SLC14A2: variants seen among roughly 807,000 people sequenced by gnomAD.
SLC14A2 encodes the protein urea transporter 2.
A neutral mutation model predicts 104.6 loss-of-function variants in SLC14A2; 91 were observed. The ratio of observed to expected loss-of-function variants is 0.87; its 90% CI spans 0.73 to 1.04. The LOEUF is 1.04. Ranked by LOEUF, SLC14A2 falls within the 50% of genes least tolerant of loss-of-function variation. The pLI, the probability that SLC14A2 is intolerant of heterozygous loss-of-function variation, is 0.00. For missense variants in SLC14A2, 1,189 were observed against 1,156.0 expected (o/e 1.03, Z -0.41); for synonymous variants, 476 against 466.4 (o/e 1.02, Z -0.27).
At chr18:45,206,003 T>C in the SLC14A2 span, among the ~76,000 whole-genome samples, 2 of 152,202 alleles carry the variant, frequency 1.3e-5, no homozygotes, top group African/African-American at 4.8e-5. Context: ...CTCAATGTAC[T>C]GTGAATCCAA....
Position 45,263,765 on chromosome 18 carries a change from T to C in SLC14A2, c.-125+50574T>C, listed in dbSNP as rs571251487. On this transcript the variant is annotated intron_variant, in intron 1 of 20. Transcript: ENST00000586448. ...CTCCTTCAGGTTGGTTTTTCTGCCC[T>C]TTTGATCTGCCCACATTCCGTTTAA... Among the ~76,000 whole-genome samples, 212 of 152,330 alleles carry C rather than the reference T, an allele frequency of 1.4e-3. 2 individuals are homozygous for C. Among genetic ancestry groups the C allele is most frequent in the African/African-American group, 4.9e-3 (202 of 41,580 alleles).
chr18:45,168,957 G>A, the SLC14A2 span: 1 of 152,182 alleles, frequency 6.6e-6, no homozygotes, highest in South Asian at 2.1e-4. Flanking sequence ...CAAATTCAAT[G>A]ATGACAGGGG....
intron 1 of SLC14A2, among the ~76,000 whole-genome samples, chr18:45,270,994 T>C (rs1211846751): frequency 6.6e-6 from 1 of 152,194 alleles, no homozygotes; most frequent in Non-Finnish European, 1.5e-5. Flanking sequence ...TCAGTAAATA[T>C]AGCAGGAAAA....
At chr18:45,254,942 A>G (rs895046812) in intron 1 of SLC14A2, among the ~76,000 whole-genome samples, 2 of 152,126 alleles carry the variant, frequency 1.3e-5, no homozygotes, top group African/African-American at 2.4e-5. Flanking sequence ...ACTCCGATTG[A>G]TTCCAGCTGC....
At chr18:45,435,697 A>T (rs1051531252) in intron 1 of SLC14A2, among the ~76,000 whole-genome samples, 1 of 152,210 alleles carries the variant, frequency 6.6e-6, no homozygotes, top group Non-Finnish European at 1.5e-5. Context: ...AATCCACTGG[A>T]TAGTGCCTAG....
chr18:45,472,770 A>G, intron 1 of SLC14A2, among the ~76,000 whole-genome samples: 1 of 151,862 alleles, frequency 6.6e-6, no homozygotes, highest in Non-Finnish European at 1.5e-5. Context: ...TAGATTCTGG[A>G]TATTAGCCCT....
chr18:45,472,260 T>C (rs2087264804), intron 1 of SLC14A2, among the ~76,000 whole-genome samples: 1 of 152,260 alleles, frequency 6.6e-6, no homozygotes, highest in Non-Finnish European at 1.5e-5. Flanking sequence ...CCACATTTTC[T>C]TTATCCAGTC....
upstream of SLC14A2, chr18:45,615,368 C>T (rs1174001924): frequency 2.6e-5 from 4 of 152,174 alleles, no homozygotes; most frequent in Non-Finnish European, 5.9e-5. Context: ...GGACCCAGGG[C>T]AAGGTGACTG....
At chr18:45,647,795 C>T (rs1010732114) in intron 10 of SLC14A2, 8 of 151,586 alleles carry the variant, frequency 5.3e-5, no homozygotes, top group Non-Finnish European at 1.2e-4. Flanking sequence ...ATTTTTTTAA[C>T]TTTGTATATC....
At chr18:45,195,965 T>C in the SLC14A2 span, among the ~76,000 whole-genome samples, 6 of 152,146 alleles carry the variant, frequency 3.9e-5, no homozygotes, top group Admixed American at 3.9e-4. Context: ...GGCTCAGGGA[T>C]ACTCCAGCAC....
At chr18:45,624,032 G>A (rs985931231) in intron 1 of SLC14A2, among the ~76,000 whole-genome samples, 6 of 152,102 alleles carry the variant, frequency 3.9e-5, no homozygotes, top group Admixed American at 2.6e-4. Flanking sequence ...CTGGTGGTAC[G>A]GGGACAGGAG....
At chr18:45,477,910 C>T (rs1023244037) in intron 1 of SLC14A2, among the ~76,000 whole-genome samples, 6 of 152,220 alleles carry the variant, frequency 3.9e-5, no homozygotes, top group Non-Finnish European at 8.8e-5. Flanking sequence ...TGGATCTTAG[C>T]TTGCTGGGCT....
At chr18:45,593,973 T>C (rs578164248) in intron 2 of SLC14A2, among the ~76,000 whole-genome samples, 2 of 152,348 alleles carry the variant, frequency 1.3e-5, no homozygotes, top group Admixed American at 1.3e-4. Flanking sequence ...TTTCTGTAAC[T>C]ATAACTGACC....
chr18:45,174,579 T>C, the SLC14A2 span, among the ~76,000 whole-genome samples: 1 of 152,122 alleles, frequency 6.6e-6, no homozygotes, highest in African/African-American at 2.4e-5. Flanking sequence ...TAAATTGTCA[T>C]CCGTCCCTGC....
At chr18:45,223,298 G>A (rs1306856652) in intron 1 of SLC14A2, among the ~76,000 whole-genome samples, 2 of 152,062 alleles carry the variant, frequency 1.3e-5, no homozygotes, top group African/African-American at 2.4e-5. Flanking sequence ...GTTCAGGAAG[G>A]CAAACAGCCC....
chr18:45,247,794 C>T (rs1172515069), intron 1 of SLC14A2, among the ~76,000 whole-genome samples: 2 of 150,750 alleles, frequency 1.3e-5, no homozygotes, highest in Non-Finnish European at 2.9e-5. Flanking sequence ...TGCTGTGATA[C>T]GAGGCACTGG....
chr18:45,648,954 GAGGTC>G (rs1191637989), intron 10 of SLC14A2, among the ~76,000 whole-genome samples: 1 of 151,964 alleles, frequency 6.6e-6, no homozygotes, highest in African/African-American at 2.4e-5. Context: ...CGTCTCTCAC[GAGGTC>G]AGGAGATAGA....
intron 2 of SLC14A2, among the ~76,000 whole-genome samples, chr18:45,577,634 G>T (rs2044434331): frequency 6.6e-6 from 1 of 152,164 alleles, no homozygotes; most frequent in Non-Finnish European, 1.5e-5. Context: ...AAGCCAAAAT[G>T]CTAGACAGGG....
chr18:45,626,806 A>AACCCC, intron 3 of SLC14A2, 152 bp from the exon 4 acceptor site: 3 of 374,234 alleles, frequency 8.0e-6, no homozygotes, highest in African/African-American at 2.1e-5. Context: ...CCTCCCCTCT[A>AACCCC]CCCCCACCCC....
Sources: allele counts gnomAD v4.1 joint callset (sites outside exome capture counted in the v4.1 genomes callset), GRCh38; gene constraint gnomAD v4.1.1; transcripts MANE v1.5; gene names NCBI Gene and HGNC (gene_info 2026-07-23, HGNC 2026-07-21).